The following MRTFB variants were observed in gnomAD, a reference collection of about 807,000 sequenced individuals.
The protein encoded by MRTFB is myocardin-related transcription factor B.
Under a neutral mutation model 104.2 loss-of-function variants are expected in MRTFB, and 29 were observed. That is an observed-to-expected ratio of 0.28 (90% CI 0.21 to 0.38). The LOEUF is 0.38. Among genes scored for constraint, MRTFB ranks in the 10% least tolerant of loss-of-function variants. The probability of loss-of-function intolerance (pLI) is 1.00; values close to 1 mark genes in which losing one functional copy is unlikely to be tolerated. For missense variants in MRTFB, 1,270 were observed against 1,341.6 expected (o/e 0.95, Z 0.83); for synonymous variants, 535 against 519.5 (o/e 1.03, Z -0.41).
chr16:14,095,838 G>A (rs2035330286), intron 2 of MRTFB, among the ~76,000 whole-genome samples: 1 of 151,996 alleles, frequency 6.6e-6, no homozygotes, highest in African/African-American at 2.4e-5. Flanking sequence ...CATGATTATT[G>A]CTTCTCTATC....
intron 3 of MRTFB, among the ~76,000 whole-genome samples, chr16:14,209,452 C>G (rs2041095207): frequency 6.6e-6 from 1 of 152,116 alleles, no homozygotes; most frequent in African/African-American, 2.4e-5. Flanking sequence ...TCAGAGTCAC[C>G]TCCTGTATTC....
intron 2 of MRTFB, among the ~76,000 whole-genome samples, chr16:14,099,981 A>G (rs1244995152): frequency 6.6e-6 from 1 of 152,144 alleles, no homozygotes; most frequent in Non-Finnish European, 1.5e-5. Context: ...CATCTTTTCT[A>G]TACTCACTAC....
intron 2 of MRTFB, among the ~76,000 whole-genome samples, chr16:14,084,192 T>C (rs940187605): frequency 3.9e-5 from 6 of 152,228 alleles, no homozygotes; most frequent in Admixed American, 2.0e-4. Flanking sequence ...CTGAAAGTTT[T>C]CCTCCATAGA....
intron 2 of MRTFB, among the ~76,000 whole-genome samples, chr16:14,126,645 G>C (rs1353799697): frequency 6.6e-6 from 1 of 152,158 alleles, no homozygotes; most frequent in Non-Finnish European, 1.5e-5. Flanking sequence ...TAGCTCTGCT[G>C]TGCGCCTCAC....
chr16:14,199,225 G>A (rs527459559), intron 3 of MRTFB, among the ~76,000 whole-genome samples: 61 of 152,230 alleles, frequency 4.0e-4, no homozygotes, highest in African/African-American at 1.4e-3. Flanking sequence ...GGTTCCCTCC[G>A]CCTTTTTAGG....
chr16:14,122,944 C>T (rs943267764), intron 2 of MRTFB, among the ~76,000 whole-genome samples: 9 of 152,220 alleles, frequency 5.9e-5, no homozygotes, highest in African/African-American at 1.9e-4. Flanking sequence ...ACATCCTCTC[C>T]AGCATCTGTT....
intron 2 of MRTFB, among the ~76,000 whole-genome samples, chr16:14,120,161 T>G (rs554747916): frequency 5.3e-5 from 8 of 152,226 alleles, no homozygotes; most frequent in Non-Finnish European, 1.0e-4. Context: ...TATGTTTATA[T>G]CCTTATATAT....
chr16:14,082,843 T>G (rs949182441), intron 2 of MRTFB, among the ~76,000 whole-genome samples: 3 of 152,168 alleles, frequency 2.0e-5, no homozygotes, highest in Non-Finnish European at 2.9e-5. Flanking sequence ...TGGCTGTTCA[T>G]ATCCTTTGGT....
intron 6 of MRTFB, chr16:14,214,931 G>A (rs762464438): frequency 3.9e-5 from 6 of 152,102 alleles, no homozygotes; most frequent in East Asian, 1.9e-4. Context: ...TCAGAAGTCC[G>A]CTGGACTAAA....
At chr16:14,173,724 A>T (rs980255373) in intron 3 of MRTFB, among the ~76,000 whole-genome samples, 1 of 152,142 alleles carries the variant, frequency 6.6e-6, no homozygotes, top group Admixed American at 6.5e-5. Flanking sequence ...AACTTTTGAT[A>T]TCATCACATG....
At chr16:14,207,372 G>A (rs539517608) in intron 3 of MRTFB, among the ~76,000 whole-genome samples, 44 of 152,286 alleles carry the variant, frequency 2.9e-4, no homozygotes, top group East Asian at 2.1e-3. Flanking sequence ...TGGTGTCTAC[G>A]ATATTGTGAA....
the MRTFB span, among the ~76,000 whole-genome samples, chr16:14,063,449 A>C: frequency 6.6e-6 from 1 of 152,184 alleles, no homozygotes; most frequent in Non-Finnish European, 1.5e-5. Flanking sequence ...TTATGTCGTC[A>C]CCCAGGTAAT....
chr16:14,108,093 A>G (rs1280303373), intron 2 of MRTFB, among the ~76,000 whole-genome samples: 1 of 152,162 alleles, frequency 6.6e-6, no homozygotes, highest in Non-Finnish European at 1.5e-5. Context: ...AATTGAGCTA[A>G]TAATTTCTAC....
In MRTFB at chr16:14,247,474, A is replaced by C; in HGVS notation, c.2214A>C (p.Ser738=). Residue 738 remains serine, a synonymous_variant, in exon 12 of 17, where the codon TCA becomes TCC. Transcript: ENST00000571589. ...CCATCCAGGGCTCGAGTGTCACCTC[A>C]GTGCAACTCCCTGTAGGCAGCCTCA... ...PVSIQGSSVT[S]VQLPVGSLKL... is the part of the protein sequence containing the mutation. 6.3e-7 allele frequency: 1 copy of C among 1,580,332 alleles called. No homozygotes were observed. The highest frequency in any genetic ancestry group is 1.3e-5 in the African/African-American group (1 of 74,728).
At chr16:14,086,671 C>A (rs988163415) in intron 2 of MRTFB, among the ~76,000 whole-genome samples, 3 of 152,048 alleles carry the variant, frequency 2.0e-5, no homozygotes, top group African/African-American at 7.2e-5. Context: ...CAGGAATTTG[C>A]TTATACGGTA....
At chr16:14,141,029 T>C (rs1309987993) in intron 3 of MRTFB, 2 of 348,548 alleles carry the variant, frequency 5.7e-6, no homozygotes, top group Non-Finnish European at 1.1e-5. Context: ...AAGCAGATGA[T>C]TTCATGCTGG....
At chr16:14,183,414 G>A (rs2039834892) in intron 3 of MRTFB, among the ~76,000 whole-genome samples, 1 of 152,152 alleles carries the variant, frequency 6.6e-6, no homozygotes, top group African/African-American at 2.4e-5. Flanking sequence ...ATGTGATCCT[G>A]GTTTGGATCC....
At chr16:14,229,855 C>T (rs2042178853) in intron 8 of MRTFB, among the ~76,000 whole-genome samples, 1 of 151,942 alleles carries the variant, frequency 6.6e-6, no homozygotes, top group South Asian at 2.1e-4. Context: ...AGACCTGTAA[C>T]CTGTAATGGA....
the MRTFB span, among the ~76,000 whole-genome samples, chr16:13,998,638 C>T: frequency 6.7e-6 from 1 of 149,978 alleles, no homozygotes; most frequent in Admixed American, 6.7e-5. Context: ...AGAATAAGAC[C>T]CTGTCTCGAA....
Sources: gnomAD v4.1 joint callset for allele counts (sites outside exome capture counted in the v4.1 genomes callset) on GRCh38, gnomAD v4.1.1 for gene constraint, MANE v1.5 for transcripts, NCBI Gene and HGNC (gene_info 2026-07-23, HGNC 2026-07-21) for gene names.